TMEM165: variants seen among roughly 807,000 people sequenced by gnomAD.
TMEM165 encodes the protein putative divalent cation/proton antiporter TMEM165.
A neutral mutation model predicts 30.0 loss-of-function variants in TMEM165; 19 were observed. The observed-to-expected ratio is 0.63, with a 90% CI of 0.44 to 0.93. The LOEUF is 0.93. TMEM165 is among the 40% of genes least tolerant of loss of function. The pLI, the probability that TMEM165 is intolerant of heterozygous loss-of-function variation, is 0.00. For synonymous variants in TMEM165, 168 were observed against 162.9 expected (o/e 1.03, Z -0.24); for missense variants, 340 against 417.0 (o/e 0.82, Z 1.61).
exon 4 of TMEM165, chr4:55,452,500 T>C (rs116126550): frequency 6.5e-6 from 1 of 154,104 alleles, no homozygotes; most frequent in African/African-American, 2.4e-5. Flanking sequence ...AGCTAAACTG[T>C]GCCTGGACTC....
intron 1 of TMEM165, among the ~76,000 whole-genome samples, chr4:55,407,027 G>C (rs1472245058): frequency 6.6e-6 from 1 of 152,182 alleles, no homozygotes; most frequent in Non-Finnish European, 1.5e-5. Flanking sequence ...ATCCGAAAAG[G>C]TCAATTCCTT....
At chr4:55,435,665 T>C (rs1279203077) in intron 3 of TMEM165, 7 of 1,474,504 alleles carry the variant, frequency 4.7e-6, no homozygotes, top group Non-Finnish European at 6.6e-6. Flanking sequence ...TTACTCACAC[T>C]CTCCCCTGTC....
chr4:55,402,403 G>GTGTGTGTA lies in TMEM165; in HGVS notation c.207+6008_207+6009insGTGTGTAT, dbSNP rs1334888892. ...TAAGTGCGTGCGTGTGTGTGTGTGT[G>GTGTGTGTA]TATATATATATATATATATATATAT... On this transcript the variant is annotated intron_variant, in intron 1 of 5. Transcript: ENST00000381334. Among the ~76,000 whole-genome samples, 147 of 48,084 alleles carry GTGTGTGTA rather than the reference G, an allele frequency of 3.1e-3. 2 individuals are homozygous for GTGTGTGTA. Among genetic ancestry groups the GTGTGTGTA allele is most frequent in the Non-Finnish European group, 4.5e-3 (131 of 29,298 alleles). 31.5% of individuals were successfully genotyped at this position (48,084 alleles called of 152,430 possible).
intron 1 of TMEM165, among the ~76,000 whole-genome samples, chr4:55,407,760 A>G (rs551994365): frequency 2.6e-5 from 4 of 152,250 alleles, no homozygotes; most frequent in African/African-American, 4.8e-5. Context: ...CAGTGAAGTA[A>G]CATGAAATTA....
chr4:55,428,709 A>G (rs1310123690), downstream of TMEM165: 1 of 152,224 alleles, frequency 6.6e-6, no homozygotes, highest in Non-Finnish European at 1.5e-5. Context: ...AGAACCACAC[A>G]GAACATTATA....
At position 55,417,285 on chromosome 4, in the gene TMEM165, C is replaced by T. The variant is rs769654222; in HGVS notation, c.609+38C>T. On this transcript the variant is annotated intron_variant, in intron 3 of 5. Transcript: ENST00000381334. ...ACTGTTGATCTGGACCAAAAAGGCA[C>T]TCAACTAGGAATAAACACTCTACAG... 2.5e-6 allele frequency: 4 copies of T among 1,587,394 alleles called. No homozygotes were observed. In the South Asian group the frequency reaches 4.6e-5, roughly 18 times the overall value.
At chr4:55,400,171 A>G (rs1254571556) in intron 1 of TMEM165, among the ~76,000 whole-genome samples, 3 of 124,860 alleles carry the variant, frequency 2.4e-5, no homozygotes, top group African/African-American at 9.6e-5. Flanking sequence ...TTATATATAT[A>G]ATATATATAA....
chr4:55,429,349 T>G (rs996062972), downstream of TMEM165: 4 of 152,236 alleles, frequency 2.6e-5, no homozygotes, highest in African/African-American at 9.6e-5. Flanking sequence ...CCTGTGGGAC[T>G]CCATAGCTTC....
intron 1 of TMEM165, among the ~76,000 whole-genome samples, chr4:55,402,795 C>CTTTTTTTTTTTTTTTT (rs71194554): frequency 0.015 from 1,088 of 71,314 alleles, 276 homozygotes; most frequent in Middle Eastern, 0.037. Flanking sequence ...TTAAAAAAAG[C>CTTTTTTTTTTTTTTTT]TTTTTTTTTT....
chr4:55,450,171 C>T (rs1383006337), intron 3 of TMEM165: 1 of 1,613,834 alleles, frequency 6.2e-7, no homozygotes, highest in African/African-American at 1.3e-5. Flanking sequence ...GTGATCAAAC[C>T]TTTCCAATGC....
chr4:55,424,709 TTTGA>T (rs759888942), intron 5 of TMEM165, 66 bp downstream of exon 5: 18 of 1,070,730 alleles, frequency 1.7e-5, no homozygotes, highest in Non-Finnish European at 2.4e-5. Context: ...GGGTGTTAGC[TTTGA>T]TTATTTAAAT....
chr4:55,405,922 T>G (rs1170050506), intron 1 of TMEM165, among the ~76,000 whole-genome samples: 1 of 152,234 alleles, frequency 6.6e-6, no homozygotes, highest in Non-Finnish European at 1.5e-5. Flanking sequence ...ACCATTCTTC[T>G]GATGGTTTAC....
Position 55,449,963 on chromosome 4 carries a change from TTAC to T in TMEM165, c.409-2272_409-2270del, listed in dbSNP as rs1031322704. ...ATGTCCCTTTAACTCACTGGAAAGG[TTAC>T]TACATTTCAGAAATGTAAAAACTTA... is the stretch of plus-strand genomic sequence containing the variant. On this transcript the variant is annotated intron_variant, in intron 3 of 3. Coordinates refer to the TMEM165 transcript ENST00000608091. 3 of 1,159,206 alleles carry T rather than the reference TTAC, an allele frequency of 2.6e-6. No individual in the cohort carries two copies. In the Admixed American group the frequency reaches 6.3e-5, roughly 24 times the overall value. 71.8% of individuals were successfully genotyped at this position (1,159,206 alleles called of 1,614,324 possible).
intron 4 of TMEM165, chr4:55,423,785 G>A (rs933912093): frequency 1.3e-5 from 2 of 152,320 alleles, no homozygotes; most frequent in African/African-American, 4.8e-5. Flanking sequence ...ACAAGTGTCT[G>A]AGGACACAGT....
At chr4:55,414,102 A>G (rs1323283720) in intron 2 of TMEM165, among the ~76,000 whole-genome samples, 2 of 152,094 alleles carry the variant, frequency 1.3e-5, no homozygotes, top group Non-Finnish European at 1.5e-5. Context: ...CCCCGTCTCT[A>G]CTAAAAAAAT....
At chr4:55,435,490 C>T in intron 3 of TMEM165, 1 of 1,614,024 alleles carries the variant, frequency 6.2e-7, no homozygotes. Context: ...GTTGCTGAGA[C>T]TGATGTTGCT....
chr4:55,443,867 C>T (rs979416144), intron 3 of TMEM165: 2 of 1,612,950 alleles, frequency 1.2e-6, no homozygotes, highest in Admixed American at 1.7e-5. Context: ...AACCAAAATT[C>T]AACCCAGGAT....
At chr4:55,412,709 ACCC>A (rs970481563) in intron 2 of TMEM165, 5 of 151,732 alleles carry the variant, frequency 3.3e-5, no homozygotes, top group African/African-American at 1.2e-4. Context: ...TTCCTTGTCC[ACCC>A]CCACTGCTTC....
In TMEM165 at chr4:55,417,115, A is replaced by C; in HGVS notation, c.477A>C (p.Thr159=). The change falls in exon 3 of 6, where the codon ACA becomes ACC. Residue 159 remains threonine, a synonymous_variant. Transcript: ENST00000381334. ...YATTVIPRVY[T]YYVSTVLFAI... is the part of the protein sequence containing the mutation. ...CCACAGTCATCCCCAGGGTCTATAC[A>C]TACTATGTTTCAACTGTATTATTTG... 6.2e-7 allele frequency: 1 copy of C among 1,613,912 alleles called. No homozygotes were observed. Among genetic ancestry groups the C allele is most frequent in the African/African-American group, 1.3e-5 (1 of 75,018 alleles).
Sources: allele counts gnomAD v4.1 joint callset (sites outside exome capture counted in the v4.1 genomes callset), GRCh38; gene constraint gnomAD v4.1.1; transcripts MANE v1.5; gene names NCBI Gene and HGNC (gene_info 2026-07-23, HGNC 2026-07-21).